Variants in CDC73 observed in about 807,000 individuals in gnomAD.
CDC73 encodes the protein cell division cycle 73.
CDC73 carries 21 observed loss-of-function variants against 83.7 expected under a neutral mutation model. The ratio of observed to expected loss-of-function variants is 0.25; its 90% confidence interval spans 0.18 to 0.36. The LOEUF (loss-of-function observed/expected upper bound fraction) is 0.36. CDC73 is among the 10% of genes least tolerant of loss of function. The pLI is 1.00. For missense variants in CDC73, 342 were observed against 653.3 expected (o/e 0.52, Z 5.19); for synonymous variants, 224 against 212.9 (o/e 1.05, Z -0.45).
intron 13 of CDC73, among the ~76,000 whole-genome samples, chr1:193,225,695 T>C (rs1469911146): frequency 6.6e-6 from 1 of 152,154 alleles, no homozygotes; most frequent in African/African-American, 2.4e-5. Flanking sequence ...CTTGGCCATT[T>C]GTTTATCTTC....
chr1:193,218,826 A>T (rs1677413894), intron 13 of CDC73, among the ~76,000 whole-genome samples: 1 of 152,242 alleles, frequency 6.6e-6, no homozygotes, highest in South Asian at 2.1e-4. Flanking sequence ...AAAACAGGGC[A>T]TGCCATTCTG....
intron 12 of CDC73, 88 bp from the exon 13 acceptor site, chr1:193,212,302 T>C: frequency 2.1e-6 from 2 of 948,550 alleles, no homozygotes; most frequent in Middle Eastern, 3.1e-4. Flanking sequence ...AAGTTAAAGT[T>C]ACAATTTATA....
chr1:193,162,758 C>A (rs1676362019), intron 10 of CDC73, among the ~76,000 whole-genome samples: 1 of 152,164 alleles, frequency 6.6e-6, no homozygotes, highest in Non-Finnish European at 1.5e-5. Flanking sequence ...ATCCTGTAAT[C>A]ATTTACCTCC....
At chr1:193,235,434 A>G (rs1187032861) in intron 14 of CDC73, among the ~76,000 whole-genome samples, 2 of 152,212 alleles carry the variant, frequency 1.3e-5, no homozygotes, top group African/African-American at 2.4e-5. Flanking sequence ...CACTTGACAC[A>G]TAGTAAATGC....
intron 10 of CDC73, among the ~76,000 whole-genome samples, chr1:193,202,250 G>A (rs1677104082): frequency 6.6e-6 from 1 of 151,646 alleles, no homozygotes; most frequent in Admixed American, 6.6e-5. Flanking sequence ...TAGCTGCAGT[G>A]CCCAGAGCCT....
In CDC73 at chr1:193,251,688, A is replaced by G. The variant is rs907941373; in HGVS notation, c.*976A>G. 22 of 232,142 alleles carry G rather than the reference A, an allele frequency of 9.5e-5. No individual in the cohort carries two copies. The highest frequency in any genetic ancestry group is 4.6e-4 in the African/African-American group (21 of 45,290). The allele number at this position is 232,142 out of a possible 1,614,324, so 14.4% of individuals were successfully genotyped here. On this transcript the variant is annotated 3_prime_UTR_variant, in exon 17 of 17. Coordinates refer to ENST00000367435, the MANE Select transcript of CDC73 (RefSeq NM_024529.5). ...AATTGTCTGAAAAGAAACAAGAGAA[A>G]AACACTGGTATTTTTATGTCTGTAT... is the stretch of plus-strand genomic sequence containing the variant.
intron 10 of CDC73, among the ~76,000 whole-genome samples, chr1:193,185,746 C>A (rs1302560422): frequency 6.6e-6 from 1 of 151,784 alleles, no homozygotes; most frequent in African/African-American, 2.4e-5. Context: ...AGTTTAATTT[C>A]TTAAGGAATC....
At chr1:193,236,962 T>TG (rs1377068359) in intron 15 of CDC73, 3 of 150,930 alleles carry the variant, frequency 2.0e-5, no homozygotes, top group African/African-American at 7.3e-5. Flanking sequence ...TTTTTTTTTT[T>TG]AGACGGAGTC....
intron 13 of CDC73, among the ~76,000 whole-genome samples, chr1:193,218,138 C>T (rs1677402267): frequency 6.6e-6 from 1 of 152,134 alleles, no homozygotes. Flanking sequence ...CTCAAGAATT[C>T]AGTCCTATTC....
chr1:193,180,450 A>G, intron 10 of CDC73: 1 of 1,614,070 alleles, frequency 6.2e-7, no homozygotes, highest in South Asian at 1.1e-5. Context: ...TACAGCTCGA[A>G]TAAGAGACTC....
chr1:193,175,082 T>G (rs1017089958), intron 10 of CDC73, among the ~76,000 whole-genome samples: 2 of 152,282 alleles, frequency 1.3e-5, no homozygotes, highest in East Asian at 1.9e-4. Flanking sequence ...AGGGATTAGC[T>G]TTAGCAAGGA....
intron 10 of CDC73, among the ~76,000 whole-genome samples, chr1:193,159,650 C>T (rs1465142736): frequency 6.6e-6 from 1 of 152,174 alleles, no homozygotes; most frequent in Non-Finnish European, 1.5e-5. Flanking sequence ...GCGTGAGCCA[C>T]CGTGCCCGGC....
intron 2 of CDC73, among the ~76,000 whole-genome samples, chr1:193,129,905 A>T (rs1675664740): frequency 6.6e-6 from 1 of 152,222 alleles, no homozygotes; most frequent in Non-Finnish European, 1.5e-5. Flanking sequence ...GTGATTTAAA[A>T]TATATTGTAT....
At chr1:193,122,435 A>G in intron 1 of CDC73, 104 bp downstream of exon 1, 2 of 1,434,926 alleles carry the variant, frequency 1.4e-6, no homozygotes, top group Non-Finnish European at 9.8e-7. Context: ...GGGATGGGAT[A>G]AAACGGGTGT....
chr1:193,131,428 T>C (rs1384056951), intron 3 of CDC73, among the ~76,000 whole-genome samples: 1 of 152,248 alleles, frequency 6.6e-6, no homozygotes, highest in African/African-American at 2.4e-5. Flanking sequence ...CTTTTTAGAT[T>C]ATTGTATAGC....
chr1:193,134,076 A>G (rs570694739), intron 3 of CDC73, among the ~76,000 whole-genome samples: 1 of 152,332 alleles, frequency 6.6e-6, no homozygotes, highest in African/African-American at 2.4e-5. Context: ...CAAATTTAAC[A>G]TAGAAATCCT....
At chr1:193,142,599 CTCTG>C (rs1005323499) in intron 7 of CDC73, among the ~76,000 whole-genome samples, 5 of 151,956 alleles carry the variant, frequency 3.3e-5, no homozygotes, top group African/African-American at 4.8e-5. Context: ...TTCTCCCTTT[CTCTG>C]TCCTTCCTTT....
Position 193,212,045 on chromosome 1 carries a change from AT to A in CDC73, c.1031-12del, listed in dbSNP as rs751580604. 2.6e-5 allele frequency: 40 copies of A among 1,561,596 alleles called. No homozygotes were observed. Among genetic ancestry groups the A allele is most frequent in the Middle Eastern group, 3.5e-4 (2 of 5,714 alleles). On this transcript the variant is annotated intron_variant, in intron 11 of 16. Coordinates refer to ENST00000367435, the MANE Select transcript of CDC73 (RefSeq NM_024529.5). ...ATGGTTTTTATGACACAGAGTTGTG[AT>A]TTTTTTTCTTTTTCACAGTTTCTCA...
chr1:193,122,753 C>T (rs1489398732), intron 1 of CDC73, among the ~76,000 whole-genome samples: 2 of 151,898 alleles, frequency 1.3e-5, no homozygotes, highest in Admixed American at 1.3e-4. Context: ...TAACTATCTC[C>T]GCTGGTCTTT....
Sources: gnomAD v4.1 joint callset for allele counts (sites outside exome capture counted in the v4.1 genomes callset) on GRCh38, gnomAD v4.1.1 for gene constraint, MANE v1.5 for transcripts, NCBI Gene and HGNC (gene_info 2026-07-23, HGNC 2026-07-21) for gene names.